The following TGFBR2 variants were observed in gnomAD, a reference collection of about 807,000 sequenced individuals.
TGFBR2 encodes the protein transforming growth factor beta receptor 2.
A neutral mutation model predicts 49.0 loss-of-function variants in TGFBR2; 18 were observed. That is an observed-to-expected ratio of 0.37 (90% CI 0.25 to 0.54). TGFBR2 has a LOEUF of 0.54. TGFBR2 is among the 20% of genes least tolerant of loss of function. TGFBR2 has a pLI of 0.85. For missense variants in TGFBR2, 525 were observed against 722.6 expected, an observed-to-expected ratio of 0.73 and a Z score of 3.13; for synonymous variants, 282 against 275.9, an observed-to-expected ratio of 1.02 and a Z score of -0.22.
chr3:30,663,215 GAC>G (rs1330784120), intron 3 of TGFBR2, among the ~76,000 whole-genome samples: 1 of 152,098 alleles, frequency 6.6e-6, no homozygotes, highest in African/African-American at 2.4e-5. Flanking sequence ...CAGATACTAA[GAC>G]ACAGATACAT....
chr3:30,607,799 A>AAAAATAT (rs1367214755), intron 1 of TGFBR2, among the ~76,000 whole-genome samples: 2,858 of 138,144 alleles, frequency 0.021, 49 homozygotes, highest in African/African-American at 0.033. Flanking sequence ...AAAATAAAAA[A>AAAAATAT]ATATATATAT....
At chr3:30,628,959 T>A (rs1408500646) in intron 1 of TGFBR2, among the ~76,000 whole-genome samples, 1 of 152,162 alleles carries the variant, frequency 6.6e-6, no homozygotes, top group Non-Finnish European at 1.5e-5. Flanking sequence ...GAAGTTGGGA[T>A]AGAACTTTAA....
intron 1 of TGFBR2, among the ~76,000 whole-genome samples, chr3:30,617,802 A>G (rs1039221974): frequency 1.3e-5 from 2 of 152,194 alleles, no homozygotes; most frequent in African/African-American, 4.8e-5. Context: ...ATTGGAAATG[A>G]GGATTGTGGG....
chr3:30,650,196 G>C, intron 2 of TGFBR2, 74 bp from the exon 3 acceptor site: 1 of 1,456,030 alleles, frequency 6.9e-7, no homozygotes, highest in Non-Finnish European at 9.6e-7. Context: ...TTTCTGTCTG[G>C]AGGCCATATT....
intron 1 of TGFBR2, among the ~76,000 whole-genome samples, chr3:30,609,656 T>G (rs888687668): frequency 3.1e-4 from 47 of 152,200 alleles, no homozygotes; most frequent in Admixed American, 2.7e-3. Context: ...ATATGACTTT[T>G]CAGGTTCCTG....
intron 3 of TGFBR2, among the ~76,000 whole-genome samples, chr3:30,659,746 T>C (rs1699080860): frequency 6.6e-6 from 1 of 151,518 alleles, no homozygotes; most frequent in Admixed American, 6.6e-5. Context: ...TGTAGCAAGG[T>C]TCGGGTGGTT....
rs73823652 is a variant in TGFBR2 at position 30,643,824 on chromosome 3, A to C, written c.95-923A>C. On this transcript the variant is annotated intron_variant, in intron 1 of 6. Transcript: ENST00000295754. ...AGTTTGTGCAGACAATAAATAAAAC[A>C]GAGTTGCTATAGGATGAAGAGGTGG... Among the ~76,000 whole-genome samples the C allele has an allele frequency of 6.1e-3, 922 of 152,384 alleles. 7 individuals are homozygous for C. The highest frequency in any genetic ancestry group is 0.021 in the African/African-American group (872 of 41,596).
intron 3 of TGFBR2, chr3:30,661,644 G>A (rs766082103): frequency 2.0e-6 from 1 of 499,394 alleles, no homozygotes; most frequent in Non-Finnish European, 4.0e-6. Context: ...TTAGAGGTGA[G>A]TTAAGGTCAT....
intron 1 of TGFBR2, chr3:30,626,609 C>T (rs1249592493): frequency 6.6e-6 from 1 of 152,502 alleles, no homozygotes; most frequent in African/African-American, 2.4e-5. Context: ...AGAGGCAGTT[C>T]TTCAGCTCTG....
intron 5 of TGFBR2, among the ~76,000 whole-genome samples, chr3:30,680,139 A>C (rs1699515736): frequency 2.1e-5 from 1 of 48,246 alleles, no homozygotes; most frequent in Non-Finnish European, 3.9e-5. Context: ...GCCCCCCAAA[A>C]AAAATAGTAG....
chr3:30,624,059 CT>C (rs1698285287), intron 1 of TGFBR2, among the ~76,000 whole-genome samples: 1 of 152,090 alleles, frequency 6.6e-6, no homozygotes, highest in Non-Finnish European at 1.5e-5. Context: ...AGGAGAATCG[CT>C]TGAACCCAGG....
chr3:30,608,442 T>G (rs557196345), intron 1 of TGFBR2, among the ~76,000 whole-genome samples: 1 of 152,258 alleles, frequency 6.6e-6, no homozygotes, highest in East Asian at 1.9e-4. Context: ...TTCCCCTGGC[T>G]CTTCTGGTGA....
intron 1 of TGFBR2, among the ~76,000 whole-genome samples, chr3:30,638,186 T>C (rs1389112501): frequency 1.3e-5 from 2 of 152,238 alleles, no homozygotes; most frequent in Non-Finnish European, 2.9e-5. Context: ...ATATGATTTG[T>C]TATTTGTTTC....
At chr3:30,619,430 A>G (rs1698188890) in intron 1 of TGFBR2, among the ~76,000 whole-genome samples, 1 of 152,158 alleles carries the variant, frequency 6.6e-6, no homozygotes, top group Admixed American at 6.5e-5. Flanking sequence ...ATCCTAGATC[A>G]TCACATGGCC....
At chr3:30,687,658 A>G (rs1313475500) in intron 5 of TGFBR2, among the ~76,000 whole-genome samples, 1 of 152,216 alleles carries the variant, frequency 6.6e-6, no homozygotes, top group Non-Finnish European at 1.5e-5. Flanking sequence ...GCAGTGCTCT[A>G]CAACCATCAC....
chr3:30,686,909 T>G (rs1473303109), intron 5 of TGFBR2, among the ~76,000 whole-genome samples: 1 of 152,340 alleles, frequency 6.6e-6, no homozygotes, highest in African/African-American at 2.4e-5. Flanking sequence ...CTAAGATTCA[T>G]TCATTCATTC....
intron 5 of TGFBR2, among the ~76,000 whole-genome samples, chr3:30,677,450 G>A (rs3773652): frequency 0.49 from 73,994 of 152,020 alleles, 18,824 homozygotes; most frequent in Admixed American, 0.64. Context: ...CTTTGCTCGG[G>A]CTGCAGACAC....
intron 5 of TGFBR2, among the ~76,000 whole-genome samples, chr3:30,677,406 T>C (rs1699459823): frequency 6.6e-6 from 1 of 152,166 alleles, no homozygotes. Flanking sequence ...TCTCATTTCG[T>C]TTGATCTTAA....
chr3:30,678,460 AT>A (rs1424708033), intron 5 of TGFBR2, among the ~76,000 whole-genome samples: 1 of 146,626 alleles, frequency 6.8e-6, no homozygotes, highest in African/African-American at 2.5e-5. Flanking sequence ...AGGCCAGAGA[AT>A]GGTGTGAACC....
Sources: allele counts gnomAD v4.1 joint callset (sites outside exome capture counted in the v4.1 genomes callset), GRCh38; gene constraint gnomAD v4.1.1; transcripts MANE v1.5; gene names NCBI Gene and HGNC (gene_info 2026-07-23, HGNC 2026-07-21).